PTPRD: variants seen among roughly 807,000 people sequenced by gnomAD.
The protein encoded by PTPRD is protein tyrosine phosphatase receptor type D.
Under a neutral mutation model 214.5 loss-of-function variants are expected in PTPRD, and 34 were observed. That is an observed-to-expected ratio of 0.16 (90% confidence interval 0.12 to 0.21). The LOEUF (loss-of-function observed/expected upper bound fraction) is 0.21. PTPRD is among the 10% of genes least tolerant of loss of function. The pLI is 1.00. For missense variants in PTPRD, 2,545 were observed against 2,398.7 expected (o/e 1.06, Z -1.27); for synonymous variants, 1,128 against 845.7 (o/e 1.33, Z -5.79).
At position 8,486,014 on chromosome 9, in the gene PTPRD, C is replaced by A. The variant is rs375803455; in HGVS notation, c.2803G>T (p.Val935Phe). ...LHSEGTTSTS[V>F]QLSWQPPVLA... The stretch of plus-strand genomic sequence containing the variant: ...ACAGGTGGTTGCCAAGATAACTGGA[C>A]GGAGGTTGAAGTGGTGCCTTCTGAG... Residue 935 changes from valine (V) to phenylalanine (F), a missense_variant, in exon 28 of 46, where the codon GTC (valine) becomes TTC (phenylalanine). By Grantham distance (50) the Val-to-Phe change is conservative (BLOSUM62 -1). Transcript: ENST00000381196. 3 of 1,614,114 alleles carry A rather than the reference C, an allele frequency of 1.9e-6. No individual in the cohort carries two copies. The highest frequency in any genetic ancestry group is 2.5e-6 in the Non-Finnish European group (3 of 1,180,008).
chr9:10,581,884 C>T (rs1454968801), intron 2 of PTPRD, among the ~76,000 whole-genome samples: 1 of 152,050 alleles, frequency 6.6e-6, no homozygotes, highest in African/African-American at 2.4e-5. Context: ...AGAAGATAAG[C>T]ACCATCAAGC....
At chr9:9,769,803 C>T (rs1326838517) in intron 5 of PTPRD, among the ~76,000 whole-genome samples, 3 of 152,056 alleles carry the variant, frequency 2.0e-5, no homozygotes, top group African/African-American at 4.8e-5. Context: ...TGTTCCCCTC[C>T]CTGTGTCCAT....
chr9:9,742,370 C>T (rs533970169), intron 6 of PTPRD, among the ~76,000 whole-genome samples: 1 of 152,252 alleles, frequency 6.6e-6, no homozygotes, highest in South Asian at 2.1e-4. Flanking sequence ...GTGACCTTCA[C>T]TTTCACCTTT....
intron 5 of PTPRD, among the ~76,000 whole-genome samples, chr9:9,899,616 C>G (rs115770742): frequency 6.6e-6 from 1 of 151,568 alleles, no homozygotes; most frequent in Non-Finnish European, 1.5e-5. Context: ...TAAGTTAGTA[C>G]AGCTATTATG....
chr9:10,136,336 A>T (rs2098943417), intron 3 of PTPRD, among the ~76,000 whole-genome samples: 1 of 152,052 alleles, frequency 6.6e-6, no homozygotes, highest in African/African-American at 2.4e-5. Context: ...CAAGGCAGAA[A>T]ACTAACAGAA....
chr9:8,359,022 G>C (rs2077682209), intron 39 of PTPRD, among the ~76,000 whole-genome samples: 1 of 143,940 alleles, frequency 6.9e-6, no homozygotes. Context: ...GCAGGAGAAT[G>C]GCGTGAACCT....
intron 10 of PTPRD, among the ~76,000 whole-genome samples, chr9:9,066,036 C>G (rs1269212390): frequency 6.6e-6 from 1 of 152,064 alleles, no homozygotes; most frequent in Non-Finnish European, 1.5e-5. Context: ...ATTGTCATCT[C>G]CAATGACAAT....
chr9:8,444,814 A>C (rs968940093), intron 34 of PTPRD, among the ~76,000 whole-genome samples: 1 of 152,310 alleles, frequency 6.6e-6, no homozygotes, highest in East Asian at 1.9e-4. Context: ...ATTGTTTATA[A>C]AAGAAAGAAA....
intron 2 of PTPRD, among the ~76,000 whole-genome samples, chr9:10,391,596 C>T (rs972159616): frequency 4.0e-5 from 6 of 151,690 alleles, no homozygotes; most frequent in East Asian, 2.0e-4. Flanking sequence ...TTAAAATATA[C>T]CCTGAGTATA....
At chr9:8,491,189 C>T (rs894399778) in intron 27 of PTPRD, among the ~76,000 whole-genome samples, 14 of 152,180 alleles carry the variant, frequency 9.2e-5, no homozygotes, top group African/African-American at 3.4e-4. Context: ...CAAGCATTTT[C>T]TATCTCAATA....
chr9:9,340,595 C>T (rs2046393788), intron 9 of PTPRD, among the ~76,000 whole-genome samples: 1 of 152,154 alleles, frequency 6.6e-6, no homozygotes, highest in Admixed American at 6.5e-5. Flanking sequence ...TGCGTGATCA[C>T]ACTGTGAGTT....
chr9:9,176,407 T>C (rs150312235), intron 10 of PTPRD, among the ~76,000 whole-genome samples: 46 of 152,324 alleles, frequency 3.0e-4, no homozygotes, highest in African/African-American at 1.1e-3. Context: ...CACTTTCTCC[T>C]AATCTTCTTT....
chr9:8,457,341 A>G (rs1039787456), intron 33 of PTPRD, among the ~76,000 whole-genome samples: 2 of 152,062 alleles, frequency 1.3e-5, no homozygotes, highest in African/African-American at 4.8e-5. Flanking sequence ...GCCATATAAT[A>G]TTTTTTCAAA....
At chr9:9,451,999 T>C (rs2145311987) in intron 8 of PTPRD, among the ~76,000 whole-genome samples, 1 of 151,630 alleles carries the variant, frequency 6.6e-6, no homozygotes, top group South Asian at 2.1e-4. Context: ...TTATCATACG[T>C]ACAGTATAAA....
intron 14 of PTPRD, among the ~76,000 whole-genome samples, chr9:8,599,585 T>G (rs938839907): frequency 6.7e-6 from 1 of 149,240 alleles, no homozygotes; most frequent in Non-Finnish European, 1.5e-5. Context: ...AGGGCTCTAC[T>G]GATGGCCCTT....
chr9:8,847,602 G>A (rs766539192), intron 11 of PTPRD, among the ~76,000 whole-genome samples: 13 of 152,078 alleles, frequency 8.5e-5, no homozygotes, highest in African/African-American at 2.7e-4. Flanking sequence ...TTAAAACTTC[G>A]GGGTACCTTC....
chr9:9,782,059 G>T (rs1015958178), intron 5 of PTPRD, among the ~76,000 whole-genome samples: 1 of 152,054 alleles, frequency 6.6e-6, no homozygotes, highest in African/African-American at 2.4e-5. Flanking sequence ...CCAAAGTGCT[G>T]GGATTACAGG....
At chr9:10,308,601 C>G in intron 3 of PTPRD, among the ~76,000 whole-genome samples, 1 of 151,860 alleles carries the variant, frequency 6.6e-6, no homozygotes, top group South Asian at 2.1e-4. Context: ...GTGAATAATA[C>G]CATTAGTATT....
At chr9:9,575,015 G>A (rs921321401) in intron 7 of PTPRD, among the ~76,000 whole-genome samples, 3 of 152,094 alleles carry the variant, frequency 2.0e-5, no homozygotes, top group South Asian at 2.1e-4. Flanking sequence ...TGACAAACAA[G>A]CAGGCAATTA....
Sources: allele counts gnomAD v4.1 joint callset (sites outside exome capture counted in the v4.1 genomes callset), GRCh38; gene constraint gnomAD v4.1.1; transcripts MANE v1.5; gene names NCBI Gene and HGNC (gene_info 2026-07-23, HGNC 2026-07-21).